The following DHRS4L2 variants were observed in gnomAD, a reference collection of about 807,000 sequenced individuals.
DHRS4L2 encodes the protein dehydrogenase/reductase SDR family member 4-like 2.
Under a neutral mutation model 23.9 loss-of-function variants are expected in DHRS4L2, and 22 were observed. That is an observed-to-expected ratio of 0.92 (90% CI 0.66 to 1.31). DHRS4L2 has a LOEUF of 1.31. DHRS4L2 is among the 40% of genes most tolerant of loss of function. DHRS4L2 has a pLI of 0.00. For synonymous variants in DHRS4L2, 141 were observed against 123.7 expected (o/e 1.14, Z -0.93); for missense variants, 385 against 303.3 (o/e 1.27, Z -2.00).
chr14:23,984,768 C>T (rs2034110073), upstream of DHRS4L2, among the ~76,000 whole-genome samples: 1 of 131,928 alleles, frequency 7.6e-6, no homozygotes, highest in Non-Finnish European at 1.5e-5. Context: ...GATTGTGCCA[C>T]TGCACTCCAG....
intron 1 of DHRS4L2, among the ~76,000 whole-genome samples, chr14:23,981,362 A>C (rs962268391): frequency 1.3e-5 from 2 of 151,724 alleles, no homozygotes; most frequent in Non-Finnish European, 2.9e-5. Flanking sequence ...CAATATCGTG[A>C]AAATGGCCAT....
chr14:23,996,961 G>A (rs2034395881), intron 3 of DHRS4L2, among the ~76,000 whole-genome samples: 1 of 151,540 alleles, frequency 6.6e-6, no homozygotes, highest in Admixed American at 6.6e-5. Flanking sequence ...TAAAATAAAG[G>A]AGCATCATTC....
At chr14:23,973,374 A>G (rs563133406) in intron 1 of DHRS4L2, among the ~76,000 whole-genome samples, 3 of 151,010 alleles carry the variant, frequency 2.0e-5, no homozygotes, top group Non-Finnish European at 4.4e-5. Flanking sequence ...CTCCCTCCAC[A>G]CCTCCCTGCA....
At chr14:23,970,106 C>T (rs2033819269) in exon 1 of DHRS4L2, 1 of 456,192 alleles carries the variant, frequency 2.2e-6, no homozygotes, top group South Asian at 1.5e-5. Context: ...GGTGGCCAAG[C>T]CCACCGTGGA....
At chr14:23,982,809 G>C (rs1354628189) in intron 1 of DHRS4L2, among the ~76,000 whole-genome samples, 1 of 151,320 alleles carries the variant, frequency 6.6e-6, no homozygotes. Flanking sequence ...ACTGAAACTG[G>C]ACCCCTTCCT....
upstream of DHRS4L2, among the ~76,000 whole-genome samples, chr14:23,985,904 A>C (rs1346642577): frequency 6.6e-6 from 1 of 151,420 alleles, no homozygotes; most frequent in Non-Finnish European, 1.5e-5. Context: ...GGGTTTCACC[A>C]TGTTGGTCAG....
intron 6 of DHRS4L2, among the ~76,000 whole-genome samples, chr14:24,001,957 C>CTTTTTTTTTTTTTTTTTTTTTTTTTTT (rs762131811): frequency 3.6e-4 from 2 of 5,516 alleles, no homozygotes; most frequent in Non-Finnish European, 4.5e-4. Context: ...CTTTCCTCTT[C>CTTTTTTTTTTTTTTTTTTTTTTTTTTT]TTTTTTTTTT....
intron 3 of DHRS4L2, 62 bp downstream of exon 3, chr14:23,995,195 C>G: frequency 6.4e-7 from 1 of 1,574,480 alleles, no homozygotes; most frequent in Non-Finnish European, 8.7e-7. Context: ...CAAACTCCAT[C>G]TGCTTTTAGA....
intron 6 of DHRS4L2, among the ~76,000 whole-genome samples, chr14:24,004,124 G>T (rs1394863583): frequency 1.4e-5 from 2 of 146,908 alleles, no homozygotes; most frequent in East Asian, 2.0e-4. Context: ...CAAAAAATTA[G>T]CCGGGCGCAG....
rs1487795444 is a variant in DHRS4L2, at chr14:24,001,320, C to G, written c.532-64C>G. The G allele has an allele frequency of 5.1e-6, 8 of 1,581,644 alleles. No homozygotes were observed. In the Admixed American group the frequency reaches 1.2e-4, roughly 24 times the overall value. On this transcript the variant is annotated intron_variant, in intron 5 of 7. Transcript: ENST00000335125. ...CCCTACTGAGCACTGCCCTCTATGT[C>G]TAGTTATTAGAACCAAGAATGACCT...
chr14:23,996,882 A>G (rs2034393784), intron 3 of DHRS4L2, among the ~76,000 whole-genome samples: 1 of 152,050 alleles, frequency 6.6e-6, no homozygotes, highest in East Asian at 1.9e-4. Flanking sequence ...TGATCCCCAC[A>G]CCTCAGCCCC....
rs578215759 is a variant in DHRS4L2, at chr14:23,978,348, TA to T, written c.-176+8020del. On this transcript the variant is annotated intron_variant, in intron 1 of 5. Transcript: ENST00000534993. The stretch of plus-strand genomic sequence containing the variant: ...AATAGAATACTGTACAGCTATTTTA[TA>T]AAAGAAGAGAGAGAATAAAGTAGGT... Among the ~76,000 whole-genome samples the T allele has an allele frequency of 4.6e-4, 66 of 144,704 alleles. 1 individual carries two copies. Among genetic ancestry groups the T allele is most frequent in the Non-Finnish European group, 6.7e-4 (45 of 66,984 alleles). The allele number at this position is 144,704 out of a possible 152,430, so 94.9% of individuals were successfully genotyped here.
Position 23,988,991 on chromosome 14 carries a change from A to G in DHRS4L2, c.44A>G (p.Lys15Arg), listed in dbSNP as rs148680889. The G allele has an allele frequency of 1.8e-4, 294 of 1,611,334 alleles. 4 individuals carry two copies. Among genetic ancestry groups the G allele is most frequent in the Admixed American group, 3.5e-4 (21 of 59,904 alleles). The change falls in exon 1 of 8, where the codon AAG (lysine) becomes AGG (arginine). Residue 15 changes from lysine to arginine, a missense_variant. Transcript: ENST00000335125. ...CTAGGCCTCTGTGCCTGGGCACGGAAGTCGGTGCGGATGGCCAGCTCCAGG... is the reference window on the plus strand; with the variant it reads ...CTAGGCCTCTGTGCCTGGGCACGGAGGTCGGTGCGGATGGCCAGCTCCAGG... ...RLLGLCAWAR[K>R]SVRMASSRMT...
intron 3 of DHRS4L2, among the ~76,000 whole-genome samples, chr14:23,997,632 A>G (rs2034405925): frequency 6.8e-6 from 1 of 146,698 alleles, no homozygotes; most frequent in Non-Finnish European, 1.5e-5. Context: ...TTCTTTGCTT[A>G]TCCGTACGAA....
intron 2 of DHRS4L2, among the ~76,000 whole-genome samples, chr14:23,993,067 G>T (rs1403551080): frequency 6.7e-6 from 1 of 149,086 alleles, no homozygotes; most frequent in Non-Finnish European, 1.5e-5. Flanking sequence ...AAGGAGAGGA[G>T]TATGGGGTAT....
At chr14:23,976,424 A>G (rs1424464436) in intron 1 of DHRS4L2, among the ~76,000 whole-genome samples, 1 of 151,934 alleles carries the variant, frequency 6.6e-6, no homozygotes, top group African/African-American at 2.4e-5. Context: ...CACAACACTT[A>G]GAATGGCAAC....
intron 1 of DHRS4L2, chr14:23,970,421 C>T (rs1389696742): frequency 1.7e-5 from 6 of 361,086 alleles, no homozygotes; most frequent in Non-Finnish European, 3.3e-5. Flanking sequence ...ATTGCTAAGG[C>T]TTCAGTAGGC....
intron 1 of DHRS4L2, among the ~76,000 whole-genome samples, chr14:23,970,910 A>G (rs1021783564): frequency 7.2e-5 from 11 of 152,116 alleles, no homozygotes; most frequent in African/African-American, 2.7e-4. Context: ...ACTAACAAAC[A>G]GAAAGGAATA....
At chr14:23,970,384 CG>C (rs1451785474) in intron 1 of DHRS4L2, 1 of 387,488 alleles carries the variant, frequency 2.6e-6, no homozygotes. Flanking sequence ...CATCAGTTAA[CG>C]GGGCCGTGGG....
Sources: gnomAD v4.1 joint callset for allele counts (sites outside exome capture counted in the v4.1 genomes callset) on GRCh38, gnomAD v4.1.1 for gene constraint, MANE v1.5 for transcripts, NCBI Gene and HGNC (gene_info 2026-07-23, HGNC 2026-07-21) for gene names.